The following SPOCK1 variants were observed in gnomAD, a reference collection of about 807,000 sequenced individuals.
The protein encoded by SPOCK1 is SPARC (osteonectin), cwcv and kazal like domains proteoglycan 1.
Under a neutral mutation model 55.3 loss-of-function variants are expected in SPOCK1, and 23 were observed. The ratio of observed to expected loss-of-function variants is 0.42; its 90% CI spans 0.30 to 0.59. The LOEUF (loss-of-function observed/expected upper bound fraction) is 0.59. Among genes scored for constraint, SPOCK1 ranks in the 20% least tolerant of loss-of-function variants. The probability of loss-of-function intolerance (pLI) is 0.22; values close to 1 mark genes in which losing one functional copy is unlikely to be tolerated. For missense variants in SPOCK1, 499 were observed against 552.5 expected (o/e 0.90, Z 0.97); for synonymous variants, 226 against 221.0 (o/e 1.02, Z -0.20).
chr5:137,384,698 C>T (rs1340041806), intron 2 of SPOCK1, among the ~76,000 whole-genome samples: 3 of 151,938 alleles, frequency 2.0e-5, no homozygotes, highest in Non-Finnish European at 4.4e-5. Flanking sequence ...TGGCACCTGA[C>T]ATTCCTTGGT....
At chr5:137,472,903 G>A (rs1166946397) in intron 2 of SPOCK1, among the ~76,000 whole-genome samples, 3 of 152,154 alleles carry the variant, frequency 2.0e-5, no homozygotes, top group Non-Finnish European at 2.9e-5. Context: ...AAACTACACT[G>A]TGATACCATT....
At chr5:137,059,115 T>C (rs6880363) in intron 6 of SPOCK1, among the ~76,000 whole-genome samples, 118,881 of 142,312 alleles carry the variant, frequency 0.84, 50,266 homozygotes, top group South Asian at 0.9. Context: ...GAAGCTATTA[T>C]AATACAAGAC....
intron 5 of SPOCK1, among the ~76,000 whole-genome samples, chr5:137,089,331 G>A (rs1753013580): frequency 6.6e-6 from 1 of 152,198 alleles, no homozygotes; most frequent in Admixed American, 6.5e-5. Flanking sequence ...TCTAGGGAAG[G>A]TGCTCCCAGA....
chr5:136,997,111 G>C (rs1396185886), intron 6 of SPOCK1, among the ~76,000 whole-genome samples: 1 of 152,116 alleles, frequency 6.6e-6, no homozygotes, highest in African/African-American at 2.4e-5. Context: ...TACACGTTAT[G>C]ACGTATCATT....
Position 137,382,152 on chromosome 5 carries a change from T to G in SPOCK1, c.187-115097A>C, listed in dbSNP as rs143556604. On this transcript the variant is annotated intron_variant, in intron 2 of 10. Transcript: ENST00000394945. Reference sequence around the variant, plus strand: ...AGGGGCAAAATGCCACCAGTCTCTTTGCTAAAGCATAGCAAGAATGACCTT... The same window carrying G: ...AGGGGCAAAATGCCACCAGTCTCTTGGCTAAAGCATAGCAAGAATGACCTT... Among the ~76,000 whole-genome samples, 44 of 152,368 alleles carry G rather than the reference T, an allele frequency of 2.9e-4. No individual in the cohort carries two copies. In the East Asian group the frequency reaches 8.3e-3, roughly 29 times the overall value.
intron 3 of SPOCK1, among the ~76,000 whole-genome samples, chr5:137,265,707 G>C (rs1435580765): frequency 3.3e-5 from 5 of 152,110 alleles, no homozygotes; most frequent in African/African-American, 1.2e-4. Context: ...AGTCCAGATA[G>C]AGCCTCCAAA....
At chr5:137,367,223 A>G (rs1388077752) in intron 2 of SPOCK1, among the ~76,000 whole-genome samples, 3 of 152,190 alleles carry the variant, frequency 2.0e-5, no homozygotes, top group Non-Finnish European at 4.4e-5. Flanking sequence ...AAACACTGAC[A>G]ATCACCAGGT....
intron 3 of SPOCK1, among the ~76,000 whole-genome samples, chr5:137,167,437 A>G (rs1754670512): frequency 1.3e-5 from 2 of 151,792 alleles, no homozygotes; most frequent in Admixed American, 1.3e-4. Context: ...AAAAAAACAT[A>G]GGACTTAATC....
At chr5:137,283,210 T>A (rs1757197786) in intron 2 of SPOCK1, among the ~76,000 whole-genome samples, 1 of 152,150 alleles carries the variant, frequency 6.6e-6, no homozygotes, top group South Asian at 2.1e-4. Context: ...TGCCTCTACC[T>A]CCCAGTGGAG....
At chr5:137,098,021 T>G (rs1362190933) in intron 5 of SPOCK1, among the ~76,000 whole-genome samples, 2 of 152,156 alleles carry the variant, frequency 1.3e-5, no homozygotes, top group Non-Finnish European at 2.9e-5. Context: ...AGGACTGGTG[T>G]GCTACAAAAG....
At chr5:137,298,113 T>C (rs1757522511) in intron 2 of SPOCK1, among the ~76,000 whole-genome samples, 1 of 152,094 alleles carries the variant, frequency 6.6e-6, no homozygotes, top group Admixed American at 6.5e-5. Context: ...AAAACAGGAA[T>C]AGTTGTATGA....
chr5:137,438,587 AC>A (rs1259877093), intron 2 of SPOCK1, among the ~76,000 whole-genome samples: 37 of 152,306 alleles, frequency 2.4e-4, no homozygotes, highest in Admixed American at 1.8e-3. Flanking sequence ...CCAATCTATC[AC>A]CACTGTGTGC....
In SPOCK1 at chr5:136,979,418, C is replaced by T. The variant is rs1750681526; in HGVS notation, c.1043G>A (p.Cys348Tyr). ...CCAGCACTGCCCCGTGCTGCCGTGGCACTGTGTGGCTTTGTAATAGCCCTC... is the reference window on the plus strand; with the variant it reads ...CCAGCACTGCCCCGTGCTGCCGTGGTACTGTGTGGCTTTGTAATAGCCCTC... The part of the protein sequence containing the change: ...NEEGYYKATQ[C>Y]HGSTGQCWCV... Residue 348 changes from cysteine (C) to tyrosine (Y), a missense_variant, in exon 10 of 11, where the codon TGC becomes TAC. Around this residue, in one of 3 missense-constraint regions of SPOCK1, gnomAD observed 30 missense variants for 64.4 expected, o/e 0.47. Coordinates refer to ENST00000394945, the MANE Select transcript of SPOCK1 (RefSeq NM_004598.4). The T allele has an allele frequency of 6.2e-7, 1 of 1,614,114 alleles. No individual in the cohort carries two copies. The highest frequency in any genetic ancestry group is 8.5e-7 in the Non-Finnish European group (1 of 1,179,984).
intron 6 of SPOCK1, among the ~76,000 whole-genome samples, chr5:137,016,500 C>G (rs955655322): frequency 6.6e-6 from 1 of 152,244 alleles, no homozygotes; most frequent in East Asian, 1.9e-4. Context: ...GAAAATAAAT[C>G]CTATACCAAA....
At chr5:137,152,941 T>C (rs1358823637) in intron 3 of SPOCK1, among the ~76,000 whole-genome samples, 3 of 152,202 alleles carry the variant, frequency 2.0e-5, no homozygotes, top group African/African-American at 4.8e-5. Context: ...CCGGAGATAA[T>C]CCAACTAGTA....
intron 2 of SPOCK1, among the ~76,000 whole-genome samples, chr5:137,343,715 A>G (rs1352036478): frequency 2.0e-5 from 3 of 152,220 alleles, no homozygotes; most frequent in Non-Finnish European, 2.9e-5. Flanking sequence ...TCCCTTCTAC[A>G]ATACCCAAGG....
intron 2 of SPOCK1, among the ~76,000 whole-genome samples, chr5:137,462,601 A>G (rs548133575): frequency 3.3e-5 from 5 of 152,348 alleles, no homozygotes; most frequent in African/African-American, 1.2e-4. Flanking sequence ...TCTGAAAAAA[A>G]TGAGGATTAT....
intron 6 of SPOCK1, among the ~76,000 whole-genome samples, chr5:137,044,952 G>A (rs1752082729): frequency 7.1e-6 from 1 of 141,220 alleles, no homozygotes; most frequent in African/African-American, 2.7e-5. Context: ...TTTCATCCAT[G>A]TCCCTACAAA....
chr5:137,455,192 T>C (rs957049132), intron 2 of SPOCK1, among the ~76,000 whole-genome samples: 1 of 152,206 alleles, frequency 6.6e-6, no homozygotes, highest in African/African-American at 2.4e-5. Context: ...ATAATATTAC[T>C]TCACTTTCAT....
Sources: allele counts gnomAD v4.1 joint callset (sites outside exome capture counted in the v4.1 genomes callset), GRCh38; gene constraint gnomAD v4.1.1; regional missense constraint gnomAD v4.1.1; transcripts MANE v1.5; gene names NCBI Gene and HGNC (gene_info 2026-07-23, HGNC 2026-07-21).